The following TSPAN33 variants were observed in gnomAD, a reference collection of about 807,000 sequenced individuals.
TSPAN33 encodes the protein tetraspanin 33, also known as tetraspanin-33.
A neutral mutation model predicts 34.8 loss-of-function variants in TSPAN33; 27 were observed. That is an observed-to-expected ratio of 0.78 (90% CI 0.57 to 1.07). TSPAN33 has a LOEUF of 1.07. Ranked by LOEUF, TSPAN33 falls within the 50% of genes least tolerant of loss-of-function variation. The pLI is 0.00. For synonymous variants in TSPAN33, 119 were observed against 124.2 expected, an observed-to-expected ratio of 0.96 and a Z score of 0.28; for missense variants, 272 against 324.9, an observed-to-expected ratio of 0.84 and a Z score of 1.25.
At chr7:129,156,330 AAGT>A (rs1320515831) in intron 1 of TSPAN33, among the ~76,000 whole-genome samples, 1 of 152,136 alleles carries the variant, frequency 6.6e-6, no homozygotes. Context: ...CGCCTGGATG[AAGT>A]AGTGTTTATC....
rs1329105784 is a variant in TSPAN33, at chr7:129,148,148, G to A, written c.102+3066G>A. On this transcript the variant is annotated intron_variant, in intron 1 of 7. Transcript: ENST00000486685. This position sits in a 1 kb window ranked among gnomAD's most constrained non-coding sequence, Gnocchi z 4.2. ...TCTCAGCTTGGCCATGTGTTGTCAG[G>A]AATATTCAGTGCCGCCCACCTCCTT... 1.3e-5 allele frequency among the ~76,000 whole-genome samples: 2 copies of A among 152,172 alleles called. No homozygotes were observed. The highest frequency in any genetic ancestry group is 6.5e-5 in the Admixed American group (1 of 15,278).
intron 2 of TSPAN33, 21 bp from the exon 3 acceptor site, chr7:129,162,373 G>C: frequency 6.2e-7 from 1 of 1,609,820 alleles, no homozygotes; most frequent in Non-Finnish European, 8.5e-7. Flanking sequence ...GGCTCAGGCT[G>C]AGGGCCGGCT....
At chr7:129,146,294 A>G (rs1563134809) in intron 1 of TSPAN33, among the ~76,000 whole-genome samples, 1 of 152,172 alleles carries the variant, frequency 6.6e-6, no homozygotes, top group African/African-American at 2.4e-5. Context: ...GAGAAATCCC[A>G]TAGGGTGGTG....
At position 129,148,840 on chromosome 7, in the gene TSPAN33, G is replaced by C. The variant is rs1442663687; in HGVS notation, c.102+3758G>C. 6.6e-6 allele frequency among the ~76,000 whole-genome samples: 1 copy of C among 152,154 alleles called. No individual in the cohort carries two copies. ...TTCAAGAAATCCACTCTCCCATCCA[G>C]GACTACTGTATTGGAGTCCTTGGGC... On this transcript the variant is annotated intron_variant, in intron 1 of 7. Coordinates refer to ENST00000486685, the MANE Select transcript of TSPAN33 (RefSeq NM_178562.5). This position sits in a 1 kb window ranked among gnomAD's most constrained non-coding sequence, Gnocchi z 4.2.
rs1262183900 is a variant in TSPAN33, at chr7:129,169,262, C to T, written c.*1388C>T. The stretch of plus-strand genomic sequence containing the variant: ...TAGGGAGGACTCCGAGGAAGCTCGG[C>T]GCGGTGCGCTGGGCCTCCTGGCGCC... On this transcript the variant is annotated 3_prime_UTR_variant, in exon 8 of 8. Transcript: ENST00000486685. 1.3e-5 allele frequency among the ~76,000 whole-genome samples: 2 copies of T among 152,124 alleles called. No individual in the cohort carries two copies. Among genetic ancestry groups the T allele is most frequent in the Non-Finnish European group, 2.9e-5 (2 of 68,000 alleles).
chr7:129,162,774 C>T (rs1793072263), intron 3 of TSPAN33, 59 bp from the exon 4 acceptor site: 2 of 1,578,554 alleles, frequency 1.3e-6, no homozygotes, highest in Admixed American at 3.4e-5. Flanking sequence ...CCCCTTGGCC[C>T]TGGAAGGGGT....
At chr7:129,166,553 G>A (rs1034417013) in intron 5 of TSPAN33, 4 of 488,348 alleles carry the variant, frequency 8.2e-6, no homozygotes, top group African/African-American at 5.9e-5. Flanking sequence ...CAAGCACAGT[G>A]GTAAGTTATA....
intron 4 of TSPAN33, 129 bp downstream of exon 4, chr7:129,163,036 C>A: frequency 1.2e-6 from 1 of 816,428 alleles, no homozygotes; most frequent in Non-Finnish European, 1.9e-6. Flanking sequence ...TTGAAAAGTT[C>A]ATTAGGGGTG....
intron 1 of TSPAN33, among the ~76,000 whole-genome samples, chr7:129,151,397 G>A (rs948478589): frequency 2.0e-5 from 3 of 152,086 alleles, no homozygotes; most frequent in African/African-American, 2.4e-5. Flanking sequence ...TGGGATTACA[G>A]GCATGAGCCA....
chr7:129,154,383 A>G (rs1322125877), intron 1 of TSPAN33, among the ~76,000 whole-genome samples: 1 of 152,136 alleles, frequency 6.6e-6, no homozygotes, highest in Non-Finnish European at 1.5e-5. Flanking sequence ...TTGATGGGAA[A>G]TCACCCAGAT....
intron 4 of TSPAN33, among the ~76,000 whole-genome samples, chr7:129,163,753 G>A (rs909133340): frequency 3.5e-4 from 54 of 152,192 alleles, no homozygotes; most frequent in African/African-American, 1.2e-3. Flanking sequence ...ATCACTTGAG[G>A]CCAGGAGTTC....
chr7:129,155,293 A>G (rs1049146737), intron 1 of TSPAN33, among the ~76,000 whole-genome samples: 1 of 152,214 alleles, frequency 6.6e-6, no homozygotes, highest in South Asian at 2.1e-4. Context: ...CATAGGTACA[A>G]ACATATGGTC....
intron 1 of TSPAN33, among the ~76,000 whole-genome samples, chr7:129,153,476 A>ACTT: frequency 6.6e-6 from 1 of 152,224 alleles, no homozygotes; most frequent in Middle Eastern, 3.2e-3. Flanking sequence ...TAAAGAGAAA[A>ACTT]GAATTAAAGC....
Position 129,168,084 on chromosome 7 carries a change from C to T in TSPAN33, c.*210C>T, listed in dbSNP as rs1272533245. On this transcript the variant is annotated 3_prime_UTR_variant, in exon 8 of 8. Transcript: ENST00000486685. ...GCGCCTCCTCTCCCCCATCCCAGCC[C>T]TCAGCATTGTGCCAGAGTGATACCC... 1 of 1,001,488 alleles carries T rather than the reference C, an allele frequency of 1.0e-6. No homozygotes were observed. Among genetic ancestry groups the T allele is most frequent in the Non-Finnish European group, 1.4e-6 (1 of 709,770 alleles). 62.0% of individuals were successfully genotyped at this position (1,001,488 alleles called of 1,614,324 possible). A position where few individuals can be genotyped will look rare whatever the true frequency, so the allele number is the denominator to read the frequency against.
chr7:129,155,488 A>T (rs1454837566), intron 1 of TSPAN33, among the ~76,000 whole-genome samples: 1 of 152,222 alleles, frequency 6.6e-6, no homozygotes, highest in Non-Finnish European at 1.5e-5. Context: ...TCAAAATATC[A>T]TATGTATCCC....
In TSPAN33 at chr7:129,152,786, G is replaced by A. The variant is rs144754219; in HGVS notation, c.102+7704G>A. ...ACATTCTGCTAAGTGAACCGAACGC[G>A]GGTGGCTCACACCTGTAATCCTAGC... On this transcript the variant is annotated intron_variant, in intron 1 of 7. Transcript: ENST00000486685. Among the ~76,000 whole-genome samples, 331 of 152,008 alleles carry A rather than the reference G, an allele frequency of 2.2e-3. 4 individuals are homozygous for A. The highest frequency in any genetic ancestry group is 7.0e-3 in the African/African-American group (291 of 41,478).
rs1810547505 is a variant in TSPAN33 at position 129,148,295 on chromosome 7, A to G, written c.102+3213A>G. On this transcript the variant is annotated intron_variant, in intron 1 of 7. Transcript: ENST00000486685. This position sits in a 1 kb window ranked among gnomAD's most constrained non-coding sequence, Gnocchi z 4.2. ...CAGGCTTCCCTAGCAGCCATGCCTC[A>G]GGGCTCCCATGGCACCTTCTGTATT... Among the ~76,000 whole-genome samples the G allele has an allele frequency of 6.6e-6, 1 of 152,182 alleles. No individual in the cohort carries two copies.
chr7:129,154,656 G>A (rs1015683987), intron 1 of TSPAN33, among the ~76,000 whole-genome samples: 12 of 152,188 alleles, frequency 7.9e-5, no homozygotes, highest in African/African-American at 2.9e-4. Context: ...CAGGAGAATC[G>A]CTTGAACCTG....
intron 1 of TSPAN33, among the ~76,000 whole-genome samples, chr7:129,156,693 A>G (rs1050147504): frequency 2.0e-5 from 3 of 152,106 alleles, no homozygotes; most frequent in Non-Finnish European, 4.4e-5. Context: ...CACATTGATG[A>G]GGATACTGAT....
Sources: allele counts gnomAD v4.1 joint callset (sites outside exome capture counted in the v4.1 genomes callset), GRCh38; gene constraint gnomAD v4.1.1; non-coding constraint Gnocchi (gnomAD v3.1); transcripts MANE v1.5; gene names NCBI Gene and HGNC (gene_info 2026-07-23, HGNC 2026-07-21).